The following NLRP4 variants were observed in gnomAD, a reference collection of about 807,000 sequenced individuals.
The protein encoded by NLRP4 is NACHT, LRR and PYD domains-containing protein 4.
NLRP4 carries 44 observed loss-of-function variants against 84.7 expected under a neutral mutation model. The observed-to-expected ratio is 0.52, with a 90% CI of 0.41 to 0.67. The LOEUF (loss-of-function observed/expected upper bound fraction) is 0.67, where lower values mean the gene tolerates loss of function less well. Ranked by LOEUF, NLRP4 falls within the 30% of genes least tolerant of loss-of-function variation. The probability of loss-of-function intolerance (pLI) is 0.00; values close to 1 mark genes in which losing one functional copy is unlikely to be tolerated. For missense variants in NLRP4, 1,260 were observed against 1,219.4 expected (o/e 1.03, Z -0.50); for synonymous variants, 544 against 476.4 (o/e 1.14, Z -1.85).
chr19:55,857,490 T>C (rs568772599), intron 2 of NLRP4, 184 bp from the exon 3 acceptor site: 3 of 603,394 alleles, frequency 5.0e-6, no homozygotes, highest in East Asian at 2.7e-5. Flanking sequence ...CTGTAGACAA[T>C]ATACCCGTGA....
At chr19:55,862,917 G>A (rs1984817779) in intron 5 of NLRP4, among the ~76,000 whole-genome samples, 1 of 152,198 alleles carries the variant, frequency 6.6e-6, no homozygotes, top group South Asian at 2.1e-4. Flanking sequence ...TAGCCATTTC[G>A]GAAAACTGTG....
At position 55,836,763 on chromosome 19, in the gene NLRP4, A is replaced by C. The variant is rs567485928; in HGVS notation, c.-237A>C. ...GGGTAGATGAACGCCCTGTGTTTAT[A>C]AGGTGCCTCCCAGGAGCCTGAGACC... On this transcript the variant is annotated 5_prime_UTR_variant, in exon 1 of 10. The change abolishes the stop of an existing upstream ORF in the 5' untranslated region. Transcript: ENST00000301295. 1 of 118,648 alleles carries C rather than the reference A, an allele frequency of 8.4e-6. No homozygotes were observed. Among genetic ancestry groups the C allele is most frequent in the Non-Finnish European group, 1.6e-5 (1 of 61,474 alleles). The allele number at this position is 118,648 out of a possible 1,614,324, so 7.3% of individuals were successfully genotyped here. A position where few individuals can be genotyped will look rare whatever the true frequency, so the allele number is the denominator to read the frequency against.
chr19:55,850,785 A>ATTCCCGAGGCTGCGGTGTAC (rs1984078740), intron 1 of NLRP4, among the ~76,000 whole-genome samples: 1 of 92,748 alleles, frequency 1.1e-5, no homozygotes, highest in Non-Finnish European at 2.0e-5. Flanking sequence ...CTGCGGTGTA[A>ATTCCCGAGGCTGCGGTGTAC]TTCCCGAGGC....
chr19:55,873,377 C>G (rs184999734), intron 7 of NLRP4, among the ~76,000 whole-genome samples: 1 of 151,808 alleles, frequency 6.6e-6, no homozygotes, highest in African/African-American at 2.4e-5. Context: ...AAAAAATTCC[C>G]GATCCAAAAA....
intron 1 of NLRP4, among the ~76,000 whole-genome samples, chr19:55,844,876 T>C (rs1174608383): frequency 6.6e-6 from 1 of 152,190 alleles, no homozygotes; most frequent in Non-Finnish European, 1.5e-5. Context: ...GGAGTGTGTG[T>C]GCGTGTGTGT....
intron 1 of NLRP4, among the ~76,000 whole-genome samples, chr19:55,842,824 A>T (rs553033986): frequency 6.6e-6 from 1 of 151,964 alleles, no homozygotes; most frequent in East Asian, 1.9e-4. Context: ...GAGAGGTGCG[A>T]TCTCAGCTCA....
Position 55,867,761 on chromosome 19 carries a change from C to A in NLRP4, c.2239C>A (p.Leu747Ile). 1 of 1,614,128 alleles carries A rather than the reference C, an allele frequency of 6.2e-7. No individual in the cohort carries two copies. ...PIDCEVLAGL[L>I]TNNKKLTYLN... ...TGATTGTGAAGTCCTTGCTGGCCTT[C>A]TAACCAACAACAAGAAGCTGACGTA... The change falls in exon 6 of 10, where the codon CTA (leucine) becomes ATA (isoleucine). Residue 747 changes from leucine (L) to isoleucine (I), a missense_variant. Leu to Ile is a conservative substitution (Grantham distance 5). Coordinates refer to ENST00000301295, the MANE Select transcript of NLRP4 (RefSeq NM_134444.5).
At chr19:55,857,266 A>ATG (rs143329873) in intron 2 of NLRP4, among the ~76,000 whole-genome samples, 12 of 150,826 alleles carry the variant, frequency 8.0e-5, no homozygotes, top group Middle Eastern at 3.2e-3. Flanking sequence ...ATGAATGTAT[A>ATG]TGTGTGTGTG....
chr19:55,857,650 C>T (rs776775166), intron 2 of NLRP4, 24 bp from the exon 3 acceptor site: 1 of 1,603,634 alleles, frequency 6.2e-7, no homozygotes, highest in East Asian at 2.2e-5. Flanking sequence ...TGGGTTTTCT[C>T]TCCTCTTGCC....
intron 2 of NLRP4, among the ~76,000 whole-genome samples, chr19:55,854,151 T>C (rs917475396): frequency 6.6e-6 from 1 of 152,080 alleles, no homozygotes; most frequent in Non-Finnish European, 1.5e-5. Context: ...TTTGTATTTT[T>C]AGTAGAAACA....
At chr19:55,859,986 C>CTTTT (rs774606132) in intron 3 of NLRP4, among the ~76,000 whole-genome samples, 15 of 96,504 alleles carry the variant, frequency 1.6e-4, no homozygotes, top group African/African-American at 5.7e-4. Flanking sequence ...TCTTCTTGTT[C>CTTTT]TTTTTTTTTT....
intron 1 of NLRP4, among the ~76,000 whole-genome samples, chr19:55,842,516 T>TGATG (rs935658313): frequency 3.5e-5 from 5 of 144,018 alleles, no homozygotes; most frequent in African/African-American, 1.4e-4. Context: ...TTAGAGCACT[T>TGATG]GATGTCCTTT....
rs147399228 is a variant in NLRP4 at position 55,860,176 on chromosome 19, A to G, written c.1856+927A>G. On this transcript the variant is annotated intron_variant, in intron 3 of 9. Transcript: ENST00000301295. ...AATTTTTTGTGTTTTTAGTAGAGAC[A>G]GGGTTTCACCGTGTTGGCCAGGATG... Among the ~76,000 whole-genome samples the G allele has an allele frequency of 7.2e-3, 1,095 of 151,994 alleles. 10 individuals are homozygous for G. Among genetic ancestry groups the G allele is most frequent in the Admixed American group, 0.035 (540 of 15,254 alleles).
At chr19:55,856,219 C>T (rs1600228209) in intron 2 of NLRP4, among the ~76,000 whole-genome samples, 1 of 152,176 alleles carries the variant, frequency 6.6e-6, no homozygotes, top group East Asian at 1.9e-4. Flanking sequence ...GTCTCGATCT[C>T]CTAGCCTGAA....
Position 55,860,111 on chromosome 19 carries a change from G to A in NLRP4, c.1856+862G>A, listed in dbSNP as rs184792344. On this transcript the variant is annotated intron_variant, in intron 3 of 9. Transcript: ENST00000301295. The stretch of plus-strand genomic sequence containing the variant: ...CGCCATTCTCCTGCCTCGGCCTCCC[G>A]AATAGCTGGGACTAGAGGGGCCCGC... Among the ~76,000 whole-genome samples, 317 of 150,810 alleles carry A rather than the reference G, an allele frequency of 2.1e-3. 1 individual carries two copies. Among genetic ancestry groups the A allele is most frequent in the African/African-American group, 5.4e-3 (223 of 41,124 alleles).
chr19:55,852,073 C>T lies in NLRP4; in HGVS notation c.-8C>T. ...TCTTTGAGGATTGGTATCTCTGCTC[C>T]AGAAAAGATGGCAGCCTCTTTCTTC... On this transcript the variant is annotated 5_prime_UTR_variant, in exon 2 of 10. Transcript: ENST00000301295. 1.3e-6 allele frequency: 2 copies of T among 1,585,136 alleles called. No homozygotes were observed. The highest frequency in any genetic ancestry group is 1.7e-6 in the Non-Finnish European group (2 of 1,171,034).
chr19:55,849,890 G>GAGAC (rs1983962284), intron 1 of NLRP4, among the ~76,000 whole-genome samples: 1 of 13,458 alleles, frequency 7.4e-5, no homozygotes, highest in African/African-American at 3.0e-4. Context: ...TGTAATTTCC[G>GAGAC]TGGCCGGCGG....
intron 2 of NLRP4, among the ~76,000 whole-genome samples, chr19:55,856,466 AG>A (rs1445325356): frequency 2.1e-5 from 3 of 143,680 alleles, no homozygotes; most frequent in Non-Finnish European, 3.0e-5. Context: ...CTTAGCTACG[AG>A]GGGTTGTGGG....
rs1398839021 is a variant in NLRP4 at position 55,852,326 on chromosome 19, G to C, written c.246G>C (p.Lys82Asn). The change falls in exon 2 of 10, where the codon AAG (lysine) becomes AAC (asparagine). Residue 82 changes from lysine (K) to asparagine (N), a missense_variant. Around this residue, in one of 3 missense-constraint regions of NLRP4, gnomAD observed 712 missense variants for 669.2 expected, o/e 1.06. Coordinates refer to ENST00000301295, the MANE Select transcript of NLRP4 (RefSeq NM_134444.5). ...TLRIFQKMDR[K>N]DLCMKVMRER... ...GAATCTTTCAAAAGATGGATAGAAAGGATCTCTGCATGAAGGTCATGAGGG... is the reference window on the plus strand; with the variant it reads ...GAATCTTTCAAAAGATGGATAGAAACGATCTCTGCATGAAGGTCATGAGGG... 1.0e-5 allele frequency: 16 copies of C among 1,606,520 alleles called. No individual in the cohort carries two copies. Among genetic ancestry groups the C allele is most frequent in the Non-Finnish European group, 1.4e-5 (16 of 1,177,754 alleles).
Sources: allele counts gnomAD v4.1 joint callset (sites outside exome capture counted in the v4.1 genomes callset), GRCh38; gene constraint gnomAD v4.1.1; regional missense constraint gnomAD v4.1.1; transcripts MANE v1.5; gene names NCBI Gene and HGNC (gene_info 2026-07-23, HGNC 2026-07-21).